Variants in ARMC9 observed in about 807,000 individuals in gnomAD.
ARMC9 encodes the protein lisH domain-containing protein ARMC9.
A neutral mutation model predicts 107.0 loss-of-function variants in ARMC9; 94 were observed. The observed-to-expected ratio is 0.88, with a 90% CI of 0.74 to 1.04. ARMC9 has a LOEUF of 1.04. Among genes scored for constraint, ARMC9 ranks in the 50% least tolerant of loss-of-function variants. The pLI is 0.00. For synonymous variants in ARMC9, 380 were observed against 396.9 expected (o/e 0.96, Z 0.51); for missense variants, 942 against 1,030.1 (o/e 0.91, Z 1.17).
intron 3 of ARMC9, 63 bp downstream of exon 3, chr2:231,208,315 T>C (rs2032324853): frequency 3.0e-6 from 4 of 1,324,486 alleles, no homozygotes; most frequent in Admixed American, 3.8e-5. Flanking sequence ...TTGTGGAAAA[T>C]GCTGCTGTTG....
chr2:231,353,433 C>T (rs1019782064), intron 21 of ARMC9, among the ~76,000 whole-genome samples: 1 of 126,736 alleles, frequency 7.9e-6, no homozygotes, highest in African/African-American at 5.1e-5. Context: ...CCGCCTGTCT[C>T]GGCCTCCCAA....
intron 10 of ARMC9, 124 bp from the exon 11 acceptor site, chr2:231,258,867 G>A (rs1171931223): frequency 1.8e-5 from 15 of 831,950 alleles, no homozygotes; most frequent in African/African-American, 3.4e-5. Flanking sequence ...AGTGGAAGCC[G>A]GGAGGTCATG....
At chr2:231,333,855 A>G (rs1454019262) in intron 20 of ARMC9, among the ~76,000 whole-genome samples, 1 of 152,266 alleles carries the variant, frequency 6.6e-6, no homozygotes, top group Non-Finnish European at 1.5e-5. Flanking sequence ...CGCTCAGTTA[A>G]TAATCTAGAG....
Position 231,208,144 on chromosome 2 carries a change from A to G in ARMC9, c.69A>G (p.Glu23=). Residue 23 remains glutamate, a synonymous_variant, in exon 3 of 25, where the codon GAA becomes GAG. Coordinates refer to ENST00000611582, the MANE Select transcript of ARMC9 (RefSeq NM_001352754.2). Reference sequence around the variant, plus strand: ...TTTTATAGTATTTAGATTTTGCTGAATTTGAAGACACCTTGAAAACATTTT... The same window carrying G: ...TTTTATAGTATTTAGATTTTGCTGAGTTTGAAGACACCTTGAAAACATTTT... ...GLVKEYLDFA[E]FEDTLKTFSK... The G allele has an allele frequency of 1.3e-6, 2 of 1,519,200 alleles. No homozygotes were observed. Among genetic ancestry groups the G allele is most frequent in the Non-Finnish European group, 1.8e-6 (2 of 1,101,464 alleles). The allele number at this position is 1,519,200 out of a possible 1,614,324, so 94.1% of individuals were successfully genotyped here.
At chr2:231,325,032 T>G (rs2043234976) in intron 19 of ARMC9, among the ~76,000 whole-genome samples, 1 of 152,156 alleles carries the variant, frequency 6.6e-6, no homozygotes, top group East Asian at 1.9e-4. Flanking sequence ...GAGACCAGCC[T>G]GGGCAACATG....
chr2:231,337,477 T>TG (rs1559481949), intron 20 of ARMC9, among the ~76,000 whole-genome samples: 1 of 123,916 alleles, frequency 8.1e-6, no homozygotes, highest in African/African-American at 3.4e-5. Flanking sequence ...TTGTTTTTTT[T>TG]TTTTTTTTTT....
At chr2:231,337,134 G>T (rs2044148678) in intron 20 of ARMC9, among the ~76,000 whole-genome samples, 1 of 151,748 alleles carries the variant, frequency 6.6e-6, no homozygotes, top group Non-Finnish European at 1.5e-5. Flanking sequence ...TTTCACATAT[G>T]TCTCCACTTT....
At chr2:231,263,500 A>T (rs182168162) in intron 12 of ARMC9, among the ~76,000 whole-genome samples, 55 of 151,950 alleles carry the variant, frequency 3.6e-4, no homozygotes, top group Admixed American at 2.2e-3. Flanking sequence ...TAACTAACCC[A>T]CTCCGGCAAT....
chr2:231,333,228 T>C (rs907074469), intron 20 of ARMC9, among the ~76,000 whole-genome samples: 2 of 152,186 alleles, frequency 1.3e-5, no homozygotes, highest in African/African-American at 4.8e-5. Context: ...ATCATGTGGC[T>C]TTGTAGGTCA....
intron 19 of ARMC9, among the ~76,000 whole-genome samples, chr2:231,329,985 C>G (rs890851304): frequency 6.6e-6 from 1 of 152,110 alleles, no homozygotes; most frequent in Non-Finnish European, 1.5e-5. Context: ...TTCAATTTCT[C>G]CAGCACTATT....
chr2:231,246,207 A>C (rs1307687710), intron 9 of ARMC9, among the ~76,000 whole-genome samples: 1 of 152,180 alleles, frequency 6.6e-6, no homozygotes, highest in Non-Finnish European at 1.5e-5. Context: ...CACTTTATTT[A>C]TTTGGCTTTT....
Position 231,360,812 on chromosome 2 carries a change from C to T in ARMC9, c.2190C>T (p.Arg730=). ...WLPRGRQEEP[R]PAPTGTPRQP... Reference sequence around the variant, plus strand: ...CAAGAGGACGCCAGGAAGAGCCTCGCCCAGCCCCCACGGGGACCCCCCGCC... The same window carrying T: ...CAAGAGGACGCCAGGAAGAGCCTCGTCCAGCCCCCACGGGGACCCCCCGCC... Residue 730 remains arginine (R), a synonymous_variant, in exon 23 of 25, where the codon CGC becomes CGT. Transcript: ENST00000611582. This position sits in a 1 kb window ranked among gnomAD's most constrained non-coding sequence, Gnocchi z 4.7. The T allele has an allele frequency of 1.3e-6, 2 of 1,536,100 alleles. No homozygotes were observed. Among genetic ancestry groups the T allele is most frequent in the Middle Eastern group, 1.7e-4 (1 of 5,978 alleles).
At chr2:231,339,092 G>A (rs1475530531) in intron 20 of ARMC9, among the ~76,000 whole-genome samples, 4 of 152,166 alleles carry the variant, frequency 2.6e-5, no homozygotes, top group Non-Finnish European at 5.9e-5. Flanking sequence ...CACTTTGGGA[G>A]GCCAAGGCGG....
chr2:231,343,550 A>C (rs1401920330), intron 20 of ARMC9, among the ~76,000 whole-genome samples: 2 of 152,156 alleles, frequency 1.3e-5, no homozygotes, highest in Non-Finnish European at 2.9e-5. Context: ...ATAATAGCAA[A>C]ACCAGGAAGC....
intron 9 of ARMC9, among the ~76,000 whole-genome samples, chr2:231,250,556 T>C: frequency 6.6e-6 from 1 of 152,020 alleles, no homozygotes; most frequent in East Asian, 1.9e-4. Context: ...TGCCGGCCCA[T>C]GCTCCCAGAG....
intron 17 of ARMC9, among the ~76,000 whole-genome samples, chr2:231,290,950 GTTTTT>G (rs58962746): frequency 7.4e-6 from 1 of 135,262 alleles, no homozygotes; most frequent in Non-Finnish European, 1.6e-5. Flanking sequence ...TTTTACAATA[GTTTTT>G]TTTTTTTTTT....
chr2:231,289,686 T>G (rs1255658927), intron 17 of ARMC9, among the ~76,000 whole-genome samples: 1 of 152,118 alleles, frequency 6.6e-6, no homozygotes, highest in African/African-American at 2.4e-5. Context: ...TGGCCAGGTG[T>G]CCAACTGGTC....
chr2:231,282,020 A>G, intron 16 of ARMC9, 39 bp from the exon 17 acceptor site: 4 of 1,586,266 alleles, frequency 2.5e-6, no homozygotes, highest in Non-Finnish European at 3.5e-6. Context: ...GCAGTATTTG[A>G]AAACTTGCAA....
At chr2:231,311,627 AG>A (rs1355462458) in intron 19 of ARMC9, among the ~76,000 whole-genome samples, 1 of 151,974 alleles carries the variant, frequency 6.6e-6, no homozygotes, top group Non-Finnish European at 1.5e-5. Context: ...AAAATTAGCC[AG>A]GTGTGGTGGC....
Sources: allele counts gnomAD v4.1 joint callset (sites outside exome capture counted in the v4.1 genomes callset), GRCh38; gene constraint gnomAD v4.1.1; non-coding constraint Gnocchi (gnomAD v3.1); transcripts MANE v1.5; gene names NCBI Gene and HGNC (gene_info 2026-07-23, HGNC 2026-07-21).